Variants in NBPF20 observed in about 807,000 individuals in gnomAD.
NBPF20 encodes NBPF member 20.
A neutral mutation model predicts 68.1 loss-of-function variants in NBPF20; 90 were observed. That is an observed-to-expected ratio of 1.32 (90% CI 1.11 to 1.58). The LOEUF (loss-of-function observed/expected upper bound fraction) is 1.58, where lower values mean the gene tolerates loss of function less well. Ranked by LOEUF, NBPF20 falls within the 40% of genes most tolerant of loss-of-function variation. The pLI is 0.00. For synonymous variants in NBPF20, 290 were observed against 228.1 expected, an observed-to-expected ratio of 1.27 and a Z score of -2.45; for missense variants, 816 against 601.2, an observed-to-expected ratio of 1.36 and a Z score of -3.74.
upstream of NBPF20, among the ~76,000 whole-genome samples, chr1:145,407,601 T>A (rs1404314217): frequency 6.7e-6 from 1 of 148,720 alleles, no homozygotes; most frequent in Non-Finnish European, 1.5e-5. Flanking sequence ...TATATATATT[T>A]TTCTTTTTTA....
intron 137 of NBPF20, 149 bp downstream of exon 142, chr1:145,292,232 C>A: frequency 1.5e-6 from 1 of 677,970 alleles, no homozygotes; most frequent in Non-Finnish European, 2.6e-6. Context: ...GAAACCTAAA[C>A]ATCTACTGCA....
In NBPF20 at chr1:145,292,370, C is replaced by A. The variant is rs1553658143; in HGVS notation, c.16697+11G>T. The A allele has an allele frequency of 3.0e-6, 2 of 672,060 alleles. No homozygotes were observed. Among genetic ancestry groups the A allele is most frequent in the Admixed American group, 2.3e-5 (1 of 44,044 alleles). The allele number at this position is 672,060 out of a possible 1,614,324, so 41.6% of individuals were successfully genotyped here. On this transcript the variant is annotated intron_variant, in intron 137 of 137. Transcript: ENST00000369373. ...ACACAGAATTAAGCATCCACAATTG[C>A]TGAAAGTCACCTGGGGCATGGTGGG... is the stretch of plus-strand genomic sequence containing the variant.
At chr1:145,400,727 G>A (rs1341641136) in intron 5 of NBPF20, 133 bp from the exon 11 acceptor site, 3 of 1,418,250 alleles carry the variant, frequency 2.1e-6, no homozygotes, top group Non-Finnish European at 2.0e-6. Context: ...TTCCCATTAA[G>A]GGGGAACATG....
rs1162913742 is a variant in NBPF20 at position 145,400,457 on chromosome 1, T to A, written c.704A>T (p.Lys235Ile). Residue 235 changes from lysine (K) to isoleucine (I), a missense_variant, in exon 6 of 138, where the codon AAA becomes ATA. Coordinates refer to ENST00000369373, the Ensembl canonical transcript of NBPF20. ...TGAGCCAATCAGAGTTGAGTCGACT[T>A]TGTCTTCCTCAAATGTGATTTTGGT... 2.5e-6 allele frequency: 4 copies of A among 1,612,950 alleles called. No homozygotes were observed. The African/African-American group carries it at 5.3e-5, about 22-fold the overall frequency.
Position 145,403,090 on chromosome 1 carries a change from G to A in NBPF20, c.278+126C>T, listed in dbSNP as rs1419757493. 4,474 of 978,468 alleles carry A rather than the reference G, an allele frequency of 4.6e-3. 154 individuals are homozygous for A. The African/African-American group carries it at 0.062, about 14-fold the overall frequency. The allele number at this position is 978,468 out of a possible 1,614,324, so 60.6% of individuals were successfully genotyped here. ...TGTTTGATAAATATTTATGTGTAGC[G>A]AGCCTGCCATGGCAATTCCTGCCCT... On this transcript the variant is annotated intron_variant, in intron 3 of 137. Coordinates refer to ENST00000369373, the Ensembl canonical transcript of NBPF20.
chr1:145,291,605 T>G (rs587668912), exon 138 of NBPF20: 1 of 1,611,952 alleles, frequency 6.2e-7, no homozygotes, highest in Non-Finnish European at 8.5e-7. Context: ...ATTGTCCACG[T>G]AAAGGGCGAA....
chr1:145,404,885 A>C (rs201051509), intron 2 of NBPF20, among the ~76,000 whole-genome samples: 1 of 150,674 alleles, frequency 6.6e-6, no homozygotes, highest in African/African-American at 2.5e-5. Context: ...TGGCAGTTTA[A>C]CTCTAGTCCC....
At chr1:145,398,054 G>A (rs1361148262) in intron 7 of NBPF20, among the ~76,000 whole-genome samples, 36 of 152,232 alleles carry the variant, frequency 2.4e-4, no homozygotes, top group South Asian at 1.0e-3. Context: ...TATATGCACC[G>A]TATACAGGAG....
chr1:145,421,852 G>C, the NBPF20 span, among the ~76,000 whole-genome samples: 1 of 152,030 alleles, frequency 6.6e-6, no homozygotes, highest in Admixed American at 6.6e-5. Flanking sequence ...ACCAGTCTGG[G>C]CACTACAGGA....
rs375995727 is a variant in NBPF20, at chr1:145,292,688, T to G, written c.16589-199A>C. ...TTTCTCCCAGAAACTGTGGGTAAAATGTCCCTATTCTAGTAGATCGTTATC... is the reference window on the plus strand; with the variant it reads ...TTTCTCCCAGAAACTGTGGGTAAAAGGTCCCTATTCTAGTAGATCGTTATC... On this transcript the variant is annotated intron_variant, in intron 136 of 137. Transcript: ENST00000369373. Among the ~76,000 whole-genome samples, 3 of 145,930 alleles carry G rather than the reference T, an allele frequency of 2.1e-5. No individual in the cohort carries two copies. In the South Asian group the frequency reaches 6.3e-4, roughly 31 times the overall value.
In NBPF20 at chr1:145,395,777, A is replaced by T. The variant is rs1416194670; in HGVS notation, c.828-636T>A. Among the ~76,000 whole-genome samples, 4 of 148,674 alleles carry T rather than the reference A, an allele frequency of 2.7e-5. 1 individual carries two copies. The highest frequency in any genetic ancestry group is 5.2e-5 in the African/African-American group (2 of 38,138). On this transcript the variant is annotated intron_variant, in intron 7 of 137. Coordinates refer to ENST00000369373, the Ensembl canonical transcript of NBPF20. The stretch of plus-strand genomic sequence containing the variant: ...CTGAGGGACCTGACTGTTAGAAGGA[A>T]AACTAACACACAGAAAGGAATAACA...
At chr1:145,394,126 T>C (rs1662094412) in intron 8 of NBPF20, among the ~76,000 whole-genome samples, 191 bp from the exon 14 acceptor site, 1 of 152,114 alleles carries the variant, frequency 6.6e-6, no homozygotes, top group Admixed American at 6.6e-5. Flanking sequence ...TCATGAGCCT[T>C]GGGCAAAATT....
intron 2 of NBPF20, among the ~76,000 whole-genome samples, chr1:145,404,872 A>G (rs1662694378): frequency 6.7e-6 from 1 of 150,204 alleles, no homozygotes; most frequent in Admixed American, 6.6e-5. Flanking sequence ...AGAAATCAAT[A>G]AATGGCAGTT....
the NBPF20 span, among the ~76,000 whole-genome samples, chr1:145,422,040 G>GAA: frequency 7.1e-6 from 1 of 141,330 alleles, no homozygotes; most frequent in South Asian, 2.2e-4. Flanking sequence ...ACTGTCTCAA[G>GAA]AAAAAAAAAA....
upstream of NBPF20, among the ~76,000 whole-genome samples, chr1:145,406,350 T>C (rs1244670439): frequency 1.3e-5 from 2 of 151,230 alleles, no homozygotes; most frequent in Non-Finnish European, 2.9e-5. Flanking sequence ...TATCACACAA[T>C]TTTATATCCA....
intron 83 of NBPF20, among the ~76,000 whole-genome samples, chr1:145,334,834 G>T (rs1327483949): frequency 1.4e-5 from 2 of 139,014 alleles, no homozygotes; most frequent in African/African-American, 5.0e-5. Context: ...GGAGAGGGAG[G>T]GAGAGAGAGA....
upstream of NBPF20, among the ~76,000 whole-genome samples, chr1:145,408,520 G>A (rs1662897062): frequency 6.6e-6 from 1 of 151,872 alleles, no homozygotes; most frequent in African/African-American, 2.4e-5. Flanking sequence ...TAAAATTACT[G>A]TAGCTTTAAA....
At chr1:145,425,219 C>G in the NBPF20 span, among the ~76,000 whole-genome samples, 1 of 151,980 alleles carries the variant, frequency 6.6e-6, no homozygotes, top group Non-Finnish European at 1.5e-5. Flanking sequence ...CCGGAACACA[C>G]GCCCCCCCCA....
chr1:145,291,251 C>A (rs1553657356), exon 138 of NBPF20: 1 of 576,294 alleles, frequency 1.7e-6, no homozygotes, highest in Non-Finnish European at 3.1e-6. Context: ...AATTTTGTAG[C>A]TACCCAGAGA....
Sources: allele counts gnomAD v4.1 joint callset (sites outside exome capture counted in the v4.1 genomes callset), GRCh38; gene constraint gnomAD v4.1.1; transcripts MANE v1.5; gene names NCBI Gene and HGNC (gene_info 2026-07-23, HGNC 2026-07-21).